The following RBFOX1 variants were observed in gnomAD, a reference collection of about 807,000 sequenced individuals.
The protein encoded by RBFOX1 is RNA binding protein fox-1 homolog 1.
A neutral mutation model predicts 57.7 loss-of-function variants in RBFOX1; 8 were observed. That is an observed-to-expected ratio of 0.14 (90% CI 0.08 to 0.25). The LOEUF is 0.25. Ranked by LOEUF, RBFOX1 falls within the 10% of genes least tolerant of loss-of-function variation. RBFOX1 has a pLI of 1.00. For missense variants in RBFOX1, 611 were observed against 548.5 expected (o/e 1.11, Z -1.14); for synonymous variants, 326 against 222.4 (o/e 1.47, Z -4.15).
At chr16:5,265,891 C>T (rs1288438706) in intron 1 of RBFOX1, among the ~76,000 whole-genome samples, 6 of 152,062 alleles carry the variant, frequency 3.9e-5, no homozygotes, top group African/African-American at 1.4e-4. Context: ...CGGTGTATAC[C>T]TGTGTGGGTG....
intron 1 of RBFOX1, among the ~76,000 whole-genome samples, chr16:5,433,436 T>C (rs991216750): frequency 1.3e-5 from 2 of 152,118 alleles, no homozygotes; most frequent in Admixed American, 1.3e-4. Context: ...CAAGACTGTT[T>C]GAGTGGCAAG....
intron 1 of RBFOX1, among the ~76,000 whole-genome samples, chr16:5,379,099 C>T (rs1480876488): frequency 6.6e-6 from 1 of 151,494 alleles, no homozygotes. Context: ...ACTTTTGCAT[C>T]AACCTAATGC....
At chr16:5,692,711 G>A (rs975032991) in intron 3 of RBFOX1, among the ~76,000 whole-genome samples, 3 of 152,096 alleles carry the variant, frequency 2.0e-5, no homozygotes, top group African/African-American at 7.2e-5. Context: ...AGTTCTTTGT[G>A]TACTTGGTTT....
chr16:6,652,282 C>G (rs1382427443), intron 2 of RBFOX1, among the ~76,000 whole-genome samples: 1 of 152,078 alleles, frequency 6.6e-6, no homozygotes, highest in Non-Finnish European at 1.5e-5. Context: ...AATCCCATCT[C>G]TACTAAAAAT....
At chr16:5,906,161 AC>A (rs2058450158) in intron 4 of RBFOX1, among the ~76,000 whole-genome samples, 1 of 152,132 alleles carries the variant, frequency 6.6e-6, no homozygotes, top group Non-Finnish European at 1.5e-5. Context: ...CCTCCCCCAG[AC>A]TGGTGAAGTC....
chr16:5,919,412 A>G (rs1464246196), intron 4 of RBFOX1, among the ~76,000 whole-genome samples: 1 of 152,050 alleles, frequency 6.6e-6, no homozygotes, highest in East Asian at 1.9e-4. Context: ...GTGCAATCTC[A>G]GCTCACTGCA....
intron 2 of RBFOX1, among the ~76,000 whole-genome samples, chr16:6,430,121 A>T (rs371218778): frequency 6.6e-6 from 1 of 151,542 alleles, no homozygotes; most frequent in Non-Finnish European, 1.5e-5. Flanking sequence ...GAAGAAAAAA[A>T]AAAAACAGAA....
At chr16:7,699,704 A>G (rs956333847) in intron 14 of RBFOX1, among the ~76,000 whole-genome samples, 9 of 152,206 alleles carry the variant, frequency 5.9e-5, no homozygotes, top group Non-Finnish European at 1.2e-4. Context: ...GACAGTTTGA[A>G]TATTCTGGAG....
chr16:6,137,606 ATTTTTTTTTTTTTT>A (rs57190040), intron 1 of RBFOX1, among the ~76,000 whole-genome samples: 13 of 98,354 alleles, frequency 1.3e-4, no homozygotes, highest in African/African-American at 5.9e-4. Context: ...GCGCCTGGTC[ATTTTTTTTTTTTTT>A]TTTTTTTTTT....
At position 5,385,812 on chromosome 16, in the gene RBFOX1, A is replaced by G. The variant is rs554915435; in HGVS notation, c.220-81404A>G. On this transcript the variant is annotated intron_variant, in intron 1 of 2. Transcript: ENST00000585867. ...TTGTCTGTTTTCCATGAATCCCTCA[A>G]TCAGCACCAATATTGAAATTGACAA... Among the ~76,000 whole-genome samples the G allele has an allele frequency of 9.1e-4, 139 of 152,304 alleles. No homozygotes were observed. The Middle Eastern group carries it at 0.014, about 15-fold the overall frequency.
At chr16:7,665,046 C>T in intron 13 of RBFOX1, 78 bp downstream of exon 13, 4 of 1,613,164 alleles carry the variant, frequency 2.5e-6, no homozygotes, top group East Asian at 2.2e-5. Context: ...GTGAATTTCT[C>T]TACTTGGCGT....
chr16:7,352,642 C>G (rs986823099), intron 4 of RBFOX1, among the ~76,000 whole-genome samples: 2 of 152,114 alleles, frequency 1.3e-5, no homozygotes, highest in African/African-American at 4.8e-5. Flanking sequence ...AGAAAGAATC[C>G]TGGTGCAGGG....
intron 4 of RBFOX1, among the ~76,000 whole-genome samples, chr16:5,899,777 G>A (rs947019971): frequency 2.0e-5 from 3 of 152,132 alleles, no homozygotes; most frequent in African/African-American, 7.2e-5. Flanking sequence ...AAGCTATGGC[G>A]ACAGTTCCTT....
chr16:5,649,448 G>A (rs1215159307), intron 3 of RBFOX1, among the ~76,000 whole-genome samples: 1 of 152,142 alleles, frequency 6.6e-6, no homozygotes, highest in South Asian at 2.1e-4. Context: ...GGGATTACAG[G>A]CATGAGCCAC....
At chr16:6,307,155 G>T (rs934407848) in intron 1 of RBFOX1, among the ~76,000 whole-genome samples, 2 of 152,102 alleles carry the variant, frequency 1.3e-5, no homozygotes, top group African/African-American at 4.8e-5. Flanking sequence ...ATTCGTAAAC[G>T]CCCCCCTAGG....
At chr16:7,544,138 A>G (rs1350976500) in intron 5 of RBFOX1, among the ~76,000 whole-genome samples, 1 of 152,232 alleles carries the variant, frequency 6.6e-6, no homozygotes, top group Non-Finnish European at 1.5e-5. Context: ...AATTGAAACC[A>G]ACGCTTACTC....
At chr16:5,442,786 G>A (rs1264673606) in intron 1 of RBFOX1, among the ~76,000 whole-genome samples, 1 of 152,138 alleles carries the variant, frequency 6.6e-6, no homozygotes, top group Non-Finnish European at 1.5e-5. Flanking sequence ...TCCCTGTTGT[G>A]GACTGAATAC....
At chr16:6,515,657 C>G (rs891770782) in intron 2 of RBFOX1, among the ~76,000 whole-genome samples, 1 of 152,304 alleles carries the variant, frequency 6.6e-6, no homozygotes, top group Admixed American at 6.5e-5. Flanking sequence ...TAAATAATCT[C>G]TTTAATCTGC....
chr16:5,914,162 C>G (rs746712042), intron 4 of RBFOX1, among the ~76,000 whole-genome samples: 1 of 152,170 alleles, frequency 6.6e-6, no homozygotes, highest in East Asian at 1.9e-4. Context: ...CCAAAATAAT[C>G]CAGGAAAAAG....
Sources: allele counts gnomAD v4.1 joint callset (sites outside exome capture counted in the v4.1 genomes callset), GRCh38; gene constraint gnomAD v4.1.1; transcripts MANE v1.5; gene names NCBI Gene and HGNC (gene_info 2026-07-23, HGNC 2026-07-21).